Variants in ITPR1 observed in about 807,000 individuals in gnomAD.
ITPR1 encodes the protein inositol 1,4,5-trisphosphate receptor type 1, also known as inositol 1,4,5-trisphosphate-gated calcium channel ITPR1.
In ITPR1, 96 loss-of-function variants were observed where a neutral mutation model predicts 318.4. That is an observed-to-expected ratio of 0.30 (90% CI 0.26 to 0.36). The LOEUF is 0.36. Among genes scored for constraint, ITPR1 ranks in the 10% least tolerant of loss-of-function variants. The pLI, the probability that ITPR1 is intolerant of heterozygous loss-of-function variation, is 1.00. For missense variants in ITPR1, 2,440 were observed against 3,460.2 expected (o/e 0.71, Z 7.40); for synonymous variants, 1,312 against 1,289.9 (o/e 1.02, Z -0.37).
At chr3:4,825,784 T>G (rs2050033530) in intron 60 of ITPR1, 1 of 456,640 alleles carries the variant, frequency 2.2e-6, no homozygotes. Context: ...TGCAGACACT[T>G]TCTGAAGTTG....
At chr3:4,616,562 C>G (rs1328926946) in intron 4 of ITPR1, among the ~76,000 whole-genome samples, 1 of 152,184 alleles carries the variant, frequency 6.6e-6, no homozygotes, top group Non-Finnish European at 1.5e-5. Context: ...CTATTGATTT[C>G]ATCTCATATA....
intron 4 of ITPR1, among the ~76,000 whole-genome samples, chr3:4,613,260 C>A (rs909568548): frequency 6.6e-6 from 1 of 152,150 alleles, no homozygotes; most frequent in African/African-American, 2.4e-5. Context: ...TTTAGTCTGG[C>A]TCAGTGAATC....
Position 4,835,565 on chromosome 3 carries a change from A to AGTGTGT in ITPR1, c.8029-1199_8029-1194dup, listed in dbSNP as rs57292347. 2.7e-3 allele frequency among the ~76,000 whole-genome samples: 414 copies of AGTGTGT among 151,406 alleles called. 2 individuals carry two copies. Among genetic ancestry groups the AGTGTGT allele is most frequent in the African/African-American group, 9.4e-3 (390 of 41,308 alleles). On this transcript the variant is annotated intron_variant, in intron 60 of 61. Coordinates refer to ENST00000649015, the MANE Select transcript of ITPR1 (RefSeq NM_001378452.1). ...CAACAATTATCCAGCATTCCGAGTG[A>AGTGTGT]GTGTGTGTGTGTGTGGGAGGGGGCT...
At chr3:4,696,577 A>G (rs564177866) in intron 33 of ITPR1, among the ~76,000 whole-genome samples, 15 of 151,924 alleles carry the variant, frequency 9.9e-5, no homozygotes, top group South Asian at 2.1e-4. Flanking sequence ...GCACACTTGT[A>G]TACAGGATTT....
chr3:4,518,299 T>C (rs1022897077), intron 3 of ITPR1, among the ~76,000 whole-genome samples: 1 of 152,208 alleles, frequency 6.6e-6, no homozygotes, highest in African/African-American at 2.4e-5. Flanking sequence ...TAGTACCTTC[T>C]TTCTCTTCCA....
At chr3:4,548,251 T>A (rs1433576050) in intron 4 of ITPR1, among the ~76,000 whole-genome samples, 1 of 152,242 alleles carries the variant, frequency 6.6e-6, no homozygotes. Flanking sequence ...AGCATTCATC[T>A]TCAGTTTTTC....
At position 4,826,046 on chromosome 3, in the gene ITPR1, G is replaced by A. The variant is rs2050054370; in HGVS notation, c.8028+7804G>A. Among the ~76,000 whole-genome samples the A allele has an allele frequency of 6.6e-6, 1 of 152,222 alleles. No individual in the cohort carries two copies. On this transcript the variant is annotated intron_variant, in intron 60 of 61. Coordinates refer to ENST00000649015, the MANE Select transcript of ITPR1 (RefSeq NM_001378452.1). The surrounding 1 kb of genome is among the most constrained non-coding windows in gnomAD (Gnocchi z 4.2). ...CTTAGGTGCAGGAGAGAGGAAGGGCGAGTCCAACAGGGCGTGCACTTAACC... is the reference window on the plus strand; with the variant it reads ...CTTAGGTGCAGGAGAGAGGAAGGGCAAGTCCAACAGGGCGTGCACTTAACC...
At chr3:4,536,939 C>T (rs1215237845) in intron 4 of ITPR1, among the ~76,000 whole-genome samples, 2 of 142,740 alleles carry the variant, frequency 1.4e-5, no homozygotes, top group African/African-American at 5.7e-5. Context: ...CTAACCTAAA[C>T]AAAAGGGGGA....
At chr3:4,643,605 G>T (rs77673880) in intron 7 of ITPR1, among the ~76,000 whole-genome samples, 1 of 147,362 alleles carries the variant, frequency 6.8e-6, no homozygotes, top group Non-Finnish European at 1.5e-5. Context: ...TTTTGGGGGG[G>T]GGGTAACTTT....
chr3:4,630,362 G>GA (rs2092975201), intron 5 of ITPR1, among the ~76,000 whole-genome samples: 1 of 151,894 alleles, frequency 6.6e-6, no homozygotes, highest in African/African-American at 2.4e-5. Flanking sequence ...CCCAAATGTT[G>GA]AAATCCCTAA....
At chr3:4,595,477 G>A (rs1345388808) in intron 4 of ITPR1, among the ~76,000 whole-genome samples, 1 of 152,184 alleles carries the variant, frequency 6.6e-6, no homozygotes, top group Non-Finnish European at 1.5e-5. Flanking sequence ...CTTTCCACCA[G>A]GTCTCACCTC....
rs191681724 is a variant in ITPR1, at chr3:4,771,707, G to A, written c.5979+2943G>A. On this transcript the variant is annotated intron_variant, in intron 46 of 61. Transcript: ENST00000649015. ...GCTCTGTTGGAAACAGTGCTGTGGG[G>A]TGTTGGGGTGTATAGTATATTTTAA... 7.5e-3 allele frequency among the ~76,000 whole-genome samples: 1,144 copies of A among 152,132 alleles called. 3 individuals carry two copies. Among genetic ancestry groups the A allele is most frequent in the Non-Finnish European group, 0.011 (773 of 68,010 alleles).
Position 4,643,598 on chromosome 3 carries a change from T to TG in ITPR1, c.526-528dup, listed in dbSNP as rs36053326. On this transcript the variant is annotated intron_variant, in intron 7 of 61. Coordinates refer to ENST00000649015, the MANE Select transcript of ITPR1 (RefSeq NM_001378452.1). ...CACATAATGATAAGTATTGTTTTTT[T>TG]GGGGGGGGGGTAACTTTTGTTTTAG... Among the ~76,000 whole-genome samples the TG allele has an allele frequency of 4.9e-3, 726 of 149,690 alleles. 5 individuals carry two copies. The highest frequency in any genetic ancestry group is 0.016 in the African/African-American group (632 of 40,398).
chr3:4,753,170 G>C (rs533817302), intron 44 of ITPR1, among the ~76,000 whole-genome samples: 3 of 152,294 alleles, frequency 2.0e-5, no homozygotes, highest in Admixed American at 2.0e-4. Context: ...AAGCTAACGC[G>C]GTCTACCCCA....
intron 42 of ITPR1, 98 bp downstream of exon 42, chr3:4,727,271 T>G: frequency 1.2e-6 from 1 of 854,682 alleles, no homozygotes; most frequent in Non-Finnish European, 1.8e-6. Context: ...CTTTTGTTGT[T>G]GATATTGTTA....
chr3:4,786,343 C>T (rs1439036754), intron 51 of ITPR1, among the ~76,000 whole-genome samples: 1 of 152,208 alleles, frequency 6.6e-6, no homozygotes, highest in East Asian at 1.9e-4. Flanking sequence ...TGGTAACTAA[C>T]CTGATCTCCA....
intron 47 of ITPR1, among the ~76,000 whole-genome samples, chr3:4,775,882 C>T (rs2046453378): frequency 6.6e-6 from 1 of 152,150 alleles, no homozygotes; most frequent in Admixed American, 6.5e-5. Context: ...AATATAAGGA[C>T]ATTTTTATAG....
At chr3:4,756,136 C>T (rs1056591653) in intron 44 of ITPR1, among the ~76,000 whole-genome samples, 2 of 152,062 alleles carry the variant, frequency 1.3e-5, no homozygotes, top group Admixed American at 1.3e-4. Flanking sequence ...TTGCTGAAGT[C>T]GAGACTGGTT....
rs777999316 is a variant in ITPR1 at position 4,674,277 on chromosome 3, T to C, written c.2532T>C (p.Tyr844=). The C allele has an allele frequency of 1.3e-6, 2 of 1,594,662 alleles. No homozygotes were observed. The highest frequency in any genetic ancestry group is 4.5e-5 in the East Asian group (2 of 44,480). The change falls in exon 22 of 62, where the codon TAT becomes TAC. Residue 844 remains tyrosine (Y), a synonymous_variant. Transcript: ENST00000649015. ...FAQTMEFVEE[Y]LRDVVCQRFP... is the part of the protein sequence containing the mutation. ...AGACCATGGAGTTTGTGGAGGAGTATTTAAGAGATGTGGTTTGTCAGAGGT... is the reference window on the plus strand; with the variant it reads ...AGACCATGGAGTTTGTGGAGGAGTACTTAAGAGATGTGGTTTGTCAGAGGT...
Sources: gnomAD v4.1 joint callset for allele counts (sites outside exome capture counted in the v4.1 genomes callset) on GRCh38, gnomAD v4.1.1 for gene constraint, Gnocchi (gnomAD v3.1) non-coding constraint, MANE v1.5 for transcripts, NCBI Gene and HGNC (gene_info 2026-07-23, HGNC 2026-07-21) for gene names.